GRM7: variants seen among roughly 807,000 people sequenced by gnomAD.
The protein encoded by GRM7 is metabotropic glutamate receptor 7.
In GRM7, 35 loss-of-function variants were observed where a neutral mutation model predicts 84.5. The ratio of observed to expected loss-of-function variants is 0.41; its 90% CI spans 0.32 to 0.55. The LOEUF (loss-of-function observed/expected upper bound fraction) is 0.55. Ranked by LOEUF, GRM7 falls within the 20% of genes least tolerant of loss-of-function variation. GRM7 has a pLI of 0.19. For synonymous variants in GRM7, 487 were observed against 455.1 expected (o/e 1.07, Z -0.89); for missense variants, 1,003 against 1,194.6 (o/e 0.84, Z 2.36).
At chr3:7,083,711 T>C (rs539716701) in intron 1 of GRM7, among the ~76,000 whole-genome samples, 2 of 152,264 alleles carry the variant, frequency 1.3e-5, no homozygotes, top group South Asian at 2.1e-4. Context: ...TCTCTGTTCT[T>C]GTGATATTTT....
chr3:7,160,772 T>G (rs1047066906), intron 2 of GRM7, among the ~76,000 whole-genome samples: 9 of 152,248 alleles, frequency 5.9e-5, no homozygotes, highest in Non-Finnish European at 1.0e-4. Context: ...TCCCATTTAA[T>G]TAGGTCCCTG....
At chr3:7,639,338 C>T (rs1056231638) in intron 8 of GRM7, among the ~76,000 whole-genome samples, 4 of 152,208 alleles carry the variant, frequency 2.6e-5, no homozygotes, top group African/African-American at 9.7e-5. Flanking sequence ...CTCCCTTACC[C>T]AAAAACATTT....
intron 8 of GRM7, among the ~76,000 whole-genome samples, chr3:7,604,831 A>G (rs909714630): frequency 1.3e-5 from 2 of 152,224 alleles, no homozygotes; most frequent in Non-Finnish European, 2.9e-5. Flanking sequence ...AGGTAAAAGT[A>G]GAAATCAGAC....
At position 6,862,997 on chromosome 3, in the gene GRM7, A is replaced by G. The variant is rs1166970720; in HGVS notation, c.519+1090A>G. 4.4e-6 allele frequency: 2 copies of G among 456,394 alleles called. No homozygotes were observed. The highest frequency in any genetic ancestry group is 1.4e-4 in the East Asian group (2 of 14,366). 28.3% of individuals were successfully genotyped at this position (456,394 alleles called of 1,614,324 possible). The stretch of plus-strand genomic sequence containing the variant: ...CTCTGCCCCATGGCTCCTGAGCTGC[A>G]CTGGGTAGGAATGAGTGGCTTTGGG... On this transcript the variant is annotated intron_variant, in intron 1 of 9. Coordinates refer to ENST00000357716, the MANE Select transcript of GRM7 (RefSeq NM_000844.4). This position sits in a 1 kb window ranked among gnomAD's most constrained non-coding sequence, Gnocchi z 5.2.
intron 7 of GRM7, among the ~76,000 whole-genome samples, chr3:7,507,267 G>C (rs987993748): frequency 1.3e-5 from 2 of 152,150 alleles, no homozygotes; most frequent in African/African-American, 2.4e-5. Flanking sequence ...GGAAAGAGGA[G>C]CCACAGCAGT....
intron 5 of GRM7, 46 bp from the exon 6 acceptor site, chr3:7,452,560 GT>G: frequency 8.5e-6 from 1 of 117,296 alleles, no homozygotes; most frequent in Non-Finnish European, 2.2e-5. Context: ...ATGCCAATTT[GT>G]GTGTGTGTGT....
At chr3:7,530,415 T>A (rs1700991548) in intron 7 of GRM7, among the ~76,000 whole-genome samples, 2 of 152,186 alleles carry the variant, frequency 1.3e-5, no homozygotes, top group Admixed American at 1.3e-4. Flanking sequence ...TGTGTGCATG[T>A]GTCTTTATAG....
intron 9 of GRM7, among the ~76,000 whole-genome samples, chr3:7,732,523 G>A (rs1281173794): frequency 1.3e-5 from 2 of 152,104 alleles, no homozygotes; most frequent in African/African-American, 4.8e-5. Flanking sequence ...CAAAGAACAG[G>A]AAACCAGTTA....
At position 7,216,922 on chromosome 3, in the gene GRM7, T is replaced by C. The variant is rs1211081401; in HGVS notation, c.736+70254T>C. ...ATGCAGACATCCATCTTTAATGTGA[T>C]GGTATTCAGGCATTCCTGTAACCAG... On this transcript the variant is annotated intron_variant, in intron 2 of 9. Coordinates refer to ENST00000357716, the MANE Select transcript of GRM7 (RefSeq NM_000844.4). Among the ~76,000 whole-genome samples the C allele has an allele frequency of 2.6e-5, 4 of 152,342 alleles. No individual in the cohort carries two copies. The South Asian group carries it at 8.3e-4, about 32-fold the overall frequency.
chr3:7,190,693 A>C (rs895702545), intron 2 of GRM7, among the ~76,000 whole-genome samples: 1 of 152,082 alleles, frequency 6.6e-6, no homozygotes, highest in Non-Finnish European at 1.5e-5. Flanking sequence ...TCCTACAAGC[A>C]GTTTAATATA....
At chr3:7,640,503 A>G (rs1698317497) in intron 8 of GRM7, among the ~76,000 whole-genome samples, 1 of 152,224 alleles carries the variant, frequency 6.6e-6, no homozygotes, top group Non-Finnish European at 1.5e-5. Context: ...TAAAATGTCA[A>G]AAATTCTACT....
intron 1 of GRM7, among the ~76,000 whole-genome samples, chr3:7,102,620 G>A (rs183208198): frequency 1.6e-3 from 249 of 151,736 alleles, no homozygotes; most frequent in African/African-American, 5.6e-3. Context: ...CATTTATCTA[G>A]TTTTTCTCCA....
rs1228469159 is a variant in GRM7 at position 6,913,797 on chromosome 3, G to A, written c.519+51890G>A. ...ACCTAACCCTACTTCTGATCAGCTT[G>A]ATGCAATAGATAGATAGACAACCAG... On this transcript the variant is annotated intron_variant, in intron 1 of 9. Coordinates refer to ENST00000357716, the MANE Select transcript of GRM7 (RefSeq NM_000844.4). Among the ~76,000 whole-genome samples, 4 of 152,124 alleles carry A rather than the reference G, an allele frequency of 2.6e-5. No homozygotes were observed. The East Asian group carries it at 7.7e-4, about 29-fold the overall frequency.
intron 5 of GRM7, among the ~76,000 whole-genome samples, chr3:7,421,789 C>G (rs1696404375): frequency 6.6e-6 from 1 of 151,878 alleles, no homozygotes; most frequent in South Asian, 2.1e-4. Flanking sequence ...GTTCTAGAGC[C>G]TAGGAGCTCT....
intron 4 of GRM7, among the ~76,000 whole-genome samples, chr3:7,394,257 T>C (rs1351811549): frequency 6.6e-6 from 1 of 152,204 alleles, no homozygotes; most frequent in Non-Finnish European, 1.5e-5. Flanking sequence ...CTGCTATAAA[T>C]CCACCTACTC....
chr3:7,708,775 C>T (rs1241010732), intron 9 of GRM7, among the ~76,000 whole-genome samples: 2 of 151,956 alleles, frequency 1.3e-5, no homozygotes, highest in Non-Finnish European at 2.9e-5. Flanking sequence ...GGTAGGATCC[C>T]AGGGAAGTAC....
chr3:7,496,683 A>G (rs1699714717), intron 7 of GRM7, among the ~76,000 whole-genome samples: 1 of 152,136 alleles, frequency 6.6e-6, no homozygotes, highest in African/African-American at 2.4e-5. Flanking sequence ...CTGTGGTTAT[A>G]TAATATAATG....
intron 2 of GRM7, among the ~76,000 whole-genome samples, chr3:7,213,191 A>T (rs1696487716): frequency 6.6e-6 from 1 of 152,200 alleles, no homozygotes; most frequent in African/African-American, 2.4e-5. Context: ...CAAAATTCTT[A>T]GACAATTCTT....
intron 2 of GRM7, among the ~76,000 whole-genome samples, chr3:7,153,589 C>T (rs1694355158): frequency 6.6e-6 from 1 of 151,956 alleles, no homozygotes; most frequent in Non-Finnish European, 1.5e-5. Flanking sequence ...GTAGTGGGTA[C>T]AGTAAAGCAG....
Sources: allele counts gnomAD v4.1 joint callset (sites outside exome capture counted in the v4.1 genomes callset), GRCh38; gene constraint gnomAD v4.1.1; non-coding constraint Gnocchi (gnomAD v3.1); transcripts MANE v1.5; gene names NCBI Gene and HGNC (gene_info 2026-07-23, HGNC 2026-07-21).